The following PDE1C variants were observed in gnomAD, a reference collection of about 807,000 sequenced individuals.
The protein encoded by PDE1C is dual specificity calcium/calmodulin-dependent 3',5'-cyclic nucleotide phosphodiesterase 1C.
In PDE1C, 62 loss-of-function variants were observed where a neutral mutation model predicts 93.1. The observed-to-expected ratio is 0.67, with a 90% CI of 0.54 to 0.82. PDE1C has a LOEUF of 0.82. Ranked by LOEUF, PDE1C falls within the 40% of genes least tolerant of loss-of-function variation. PDE1C has a pLI of 0.00. For missense variants in PDE1C, 742 were observed against 884.6 expected, an observed-to-expected ratio of 0.84 and a Z score of 2.04; for synonymous variants, 325 against 310.1, an observed-to-expected ratio of 1.05 and a Z score of -0.50.
the PDE1C span, among the ~76,000 whole-genome samples, chr7:31,745,278 A>G: frequency 2.6e-5 from 4 of 152,082 alleles, no homozygotes; most frequent in Non-Finnish European, 5.9e-5. Flanking sequence ...GAGTGGTAAT[A>G]TTTTCCCTGA....
chr7:32,239,226 G>A (rs186591782), intron 1 of PDE1C, among the ~76,000 whole-genome samples: 4 of 152,200 alleles, frequency 2.6e-5, no homozygotes, highest in South Asian at 4.1e-4. Context: ...GTGAGACCCT[G>A]TCTCTAGAAA....
intron 9 of PDE1C, among the ~76,000 whole-genome samples, chr7:31,839,055 TATAC>T (rs1422431652): frequency 3.4e-5 from 5 of 148,370 alleles, no homozygotes; most frequent in South Asian, 2.1e-4. Flanking sequence ...TTCATACATA[TATAC>T]ATATTTATTA....
chr7:31,830,398 A>AT lies in PDE1C; in HGVS notation c.1204-2026dup, dbSNP rs200450400. ...ACAAAGGATTTTTAAAAACTCACTCATTTTTTTTTCTTCCAGGACAGCGCA... is the reference window on the plus strand; with the variant it reads ...ACAAAGGATTTTTAAAAACTCACTCATTTTTTTTTTCTTCCAGGACAGCGCA... On this transcript the variant is annotated intron_variant, in intron 11 of 17. Coordinates refer to ENST00000396191, the MANE Select transcript of PDE1C (RefSeq NM_001191057.4). Among the ~76,000 whole-genome samples, 12 of 151,616 alleles carry AT rather than the reference A, an allele frequency of 7.9e-5. No individual in the cohort carries two copies. The East Asian group carries it at 2.1e-3, about 27-fold the overall frequency.
intron 2 of PDE1C, among the ~76,000 whole-genome samples, chr7:31,927,353 G>T (rs1803535672): frequency 6.6e-6 from 1 of 152,192 alleles, no homozygotes; most frequent in Admixed American, 6.5e-5. Context: ...GGGGGTAGGG[G>T]CAGTTGTGGG....
chr7:31,813,259 C>T (rs1356599065), intron 15 of PDE1C, among the ~76,000 whole-genome samples: 1 of 152,060 alleles, frequency 6.6e-6, no homozygotes, highest in Non-Finnish European at 1.5e-5. Flanking sequence ...TGAGCATGCA[C>T]AGCCCGGCCC....
At chr7:31,864,873 G>A (rs1795095226) in intron 7 of PDE1C, 69 bp downstream of exon 7, 1 of 1,482,850 alleles carries the variant, frequency 6.7e-7, no homozygotes, top group Non-Finnish European at 9.3e-7. Context: ...CATCAGAATT[G>A]GAACAGTCAC....
At chr7:32,170,067 T>C in intron 2 of PDE1C, 1 of 904,390 alleles carries the variant, frequency 1.1e-6, no homozygotes. Flanking sequence ...TTTATATATT[T>C]CTCACCATCT....
chr7:32,285,601 G>A (rs1811944342), intron 1 of PDE1C, among the ~76,000 whole-genome samples: 1 of 151,656 alleles, frequency 6.6e-6, no homozygotes, highest in Admixed American at 6.6e-5. Context: ...CTTAAAATGG[G>A]TAAATTTTAT....
At chr7:31,888,712 T>C (rs1333443445) in intron 2 of PDE1C, among the ~76,000 whole-genome samples, 1 of 152,116 alleles carries the variant, frequency 6.6e-6, no homozygotes, top group Non-Finnish European at 1.5e-5. Flanking sequence ...TGATACAGAA[T>C]TGTATCAGAG....
intron 1 of PDE1C, among the ~76,000 whole-genome samples, chr7:32,417,261 C>G (rs1398762973): frequency 6.7e-6 from 1 of 150,306 alleles, no homozygotes; most frequent in Non-Finnish European, 1.5e-5. Context: ...TAACTGATTT[C>G]TTTTAGAAAG....
At chr7:31,790,317 T>C in intron 16 of PDE1C, 1 of 1,478,272 alleles carries the variant, frequency 6.8e-7, no homozygotes, top group South Asian at 1.1e-5. Context: ...CCCGCCCACC[T>C]CCACCCTCCA....
At chr7:31,883,903 G>A (rs1797564087) in intron 2 of PDE1C, among the ~76,000 whole-genome samples, 2 of 152,226 alleles carry the variant, frequency 1.3e-5, no homozygotes, top group Admixed American at 6.5e-5. Context: ...CAGACATTAG[G>A]CAGTCACATT....
At chr7:32,192,132 T>C (rs1426767405) in intron 2 of PDE1C, among the ~76,000 whole-genome samples, 2 of 152,224 alleles carry the variant, frequency 1.3e-5, no homozygotes, top group African/African-American at 4.8e-5. Context: ...GTTGCATATG[T>C]GGTTTGCAAA....
chr7:32,418,593 C>G (rs535693288), intron 1 of PDE1C, among the ~76,000 whole-genome samples: 101 of 152,254 alleles, frequency 6.6e-4, no homozygotes, highest in African/African-American at 2.2e-3. Flanking sequence ...CGGCAGCACA[C>G]ATTTCCAGAT....
chr7:32,311,883 T>G (rs573671851), intron 1 of PDE1C, among the ~76,000 whole-genome samples: 12 of 152,212 alleles, frequency 7.9e-5, no homozygotes, highest in African/African-American at 2.4e-4. Context: ...CTATTCAACA[T>G]AGTGTTGGAA....
At chr7:32,246,933 G>A (rs968736885) in intron 1 of PDE1C, among the ~76,000 whole-genome samples, 1 of 152,366 alleles carries the variant, frequency 6.6e-6, no homozygotes, top group East Asian at 1.9e-4. Flanking sequence ...ACTATGCACT[G>A]AGGCTGAAGG....
chr7:32,082,998 A>G (rs1219250308), intron 3 of PDE1C, among the ~76,000 whole-genome samples: 1 of 151,182 alleles, frequency 6.6e-6, no homozygotes, highest in Non-Finnish European at 1.5e-5. Flanking sequence ...ACAAAGCTGG[A>G]CGGAGAATGA....
At chr7:31,937,205 G>GA (rs910906236) in intron 2 of PDE1C, among the ~76,000 whole-genome samples, 4 of 152,068 alleles carry the variant, frequency 2.6e-5, no homozygotes, top group South Asian at 2.1e-4. Flanking sequence ...TCAGACTCTG[G>GA]AAAAAAACTA....
intron 9 of PDE1C, among the ~76,000 whole-genome samples, chr7:31,844,230 GATTT>G (rs1009532914): frequency 1.3e-4 from 19 of 151,404 alleles, no homozygotes; most frequent in African/African-American, 4.3e-4. Flanking sequence ...TAAATATTTA[GATTT>G]ATTAATCTAA....
Sources: allele counts gnomAD v4.1 joint callset (sites outside exome capture counted in the v4.1 genomes callset), GRCh38; gene constraint gnomAD v4.1.1; transcripts MANE v1.5; gene names NCBI Gene and HGNC (gene_info 2026-07-23, HGNC 2026-07-21).